CLIP1: variants seen among roughly 807,000 people sequenced by gnomAD.
CLIP1 encodes the protein CAP-Gly domain-containing linker protein 1.
CLIP1 carries 66 observed loss-of-function variants against 161.6 expected under a neutral mutation model. That is an observed-to-expected ratio of 0.41 (90% CI 0.33 to 0.50). The LOEUF (loss-of-function observed/expected upper bound fraction) is 0.50, where lower values mean the gene tolerates loss of function less well. CLIP1 is among the 20% of genes least tolerant of loss of function. CLIP1 has a pLI of 0.27. For missense variants in CLIP1, 1,376 were observed against 1,702.0 expected (o/e 0.81, Z 3.37); for synonymous variants, 598 against 626.2 (o/e 0.96, Z 0.67).
chr12:122,364,049 C>T lies in CLIP1; in HGVS notation c.716G>A (p.Gly239Glu). The change falls in exon 4 of 26, where the codon GGG (glycine) becomes GAG (glutamate). Residue 239 changes from glycine (G) to glutamate (E), a missense_variant. Gly to Glu is a moderately conservative substitution (Grantham distance 98, BLOSUM62 -2). This residue lies in a region of CLIP1 where 211 missense variants were observed against 295.1 expected (regional missense o/e 0.72). Transcript: ENST00000620786. Reference protein sequence around the residue: ...RFLGETDFAKGEWCGVELDEP... With the variant: ...RFLGETDFAKEEWCGVELDEP... Reference sequence around the variant, plus strand: ...ATCTAACTCCACGCCACACCACTCCCCCTTGGCAAAGTCGGTCTCCCCAAG... The same window carrying T: ...ATCTAACTCCACGCCACACCACTCCTCCTTGGCAAAGTCGGTCTCCCCAAG... 1 of 1,614,140 alleles carries T rather than the reference C, an allele frequency of 6.2e-7. No homozygotes were observed. The highest frequency in any genetic ancestry group is 8.5e-7 in the Non-Finnish European group (1 of 1,180,026).
At chr12:122,313,676 C>T (rs1951152101) in intron 19 of CLIP1, among the ~76,000 whole-genome samples, 1 of 151,978 alleles carries the variant, frequency 6.6e-6, no homozygotes, top group South Asian at 2.1e-4. Flanking sequence ...AAGATCATGC[C>T]ACTGCACTCC....
chr12:122,303,917 G>A (rs1031086731), intron 20 of CLIP1, among the ~76,000 whole-genome samples: 9 of 152,124 alleles, frequency 5.9e-5, no homozygotes, highest in Admixed American at 1.3e-4. Flanking sequence ...GGGATCAGAC[G>A]GACAAGAACT....
intron 1 of CLIP1, among the ~76,000 whole-genome samples, chr12:122,416,259 A>G (rs995754304): frequency 4.6e-5 from 7 of 152,128 alleles, no homozygotes; most frequent in Admixed American, 3.3e-4. Context: ...AGATGGATAG[A>G]AATAGGAAAG....
intron 10 of CLIP1, chr12:122,342,785 C>G (rs531090227): frequency 1.4e-5 from 2 of 145,536 alleles, no homozygotes; most frequent in Admixed American, 6.9e-5. Flanking sequence ...GTAATTGTGC[C>G]ATTGTACTCC....
chr12:122,387,547 C>CATAT (rs773688335), intron 1 of CLIP1, among the ~76,000 whole-genome samples: 45 of 40,290 alleles, frequency 1.1e-3, no homozygotes, highest in East Asian at 4.1e-3. Flanking sequence ...CATGCCTTTT[C>CATAT]ATATATATAT....
At chr12:122,366,214 C>G (rs1012231175) in intron 3 of CLIP1, among the ~76,000 whole-genome samples, 7 of 148,102 alleles carry the variant, frequency 4.7e-5, no homozygotes, top group African/African-American at 1.8e-4. Flanking sequence ...GGCTGAGGCA[C>G]AAGAATAACT....
chr12:122,282,309 C>T (rs986652315), intron 21 of CLIP1, among the ~76,000 whole-genome samples: 1 of 152,056 alleles, frequency 6.6e-6, no homozygotes, highest in Non-Finnish European at 1.5e-5. Context: ...TTACTGACGT[C>T]TGAGTCACAA....
chr12:122,372,118 T>C (rs965331436), intron 3 of CLIP1, among the ~76,000 whole-genome samples: 1 of 149,952 alleles, frequency 6.7e-6, no homozygotes, highest in Non-Finnish European at 1.5e-5. Context: ...CCTGTCTCTA[T>C]GGGGAAAAAA....
chr12:122,354,653 G>A (rs1442933541), intron 6 of CLIP1, 97 bp from the exon 7 acceptor site: 6 of 908,452 alleles, frequency 6.6e-6, no homozygotes, highest in South Asian at 1.4e-5. Context: ...CATGGTGGGT[G>A]GGCGTTACTC....
intron 21 of CLIP1, among the ~76,000 whole-genome samples, chr12:122,281,211 C>G (rs1955630641): frequency 6.6e-6 from 1 of 152,128 alleles, no homozygotes; most frequent in Non-Finnish European, 1.5e-5. Flanking sequence ...ATTAAAAACC[C>G]CAGCATTACT....
At chr12:122,405,666 T>A (rs1253916230) in intron 1 of CLIP1, among the ~76,000 whole-genome samples, 1 of 150,724 alleles carries the variant, frequency 6.6e-6, no homozygotes, top group Non-Finnish European at 1.5e-5. Context: ...TACACACCTA[T>A]AATCCCAGCT....
intron 21 of CLIP1, among the ~76,000 whole-genome samples, chr12:122,288,093 C>T (rs1016798135): frequency 2.0e-5 from 3 of 151,442 alleles, no homozygotes; most frequent in Non-Finnish European, 2.9e-5. Flanking sequence ...AGTGCAGTGG[C>T]GCGATCTCGG....
intron 21 of CLIP1, among the ~76,000 whole-genome samples, chr12:122,282,295 A>G (rs2136243177): frequency 1.3e-5 from 2 of 152,326 alleles, no homozygotes; most frequent in South Asian, 4.1e-4. Context: ...TGTCTATGCC[A>G]ACATTACTGA....
chr12:122,411,748 C>A (rs1198608654), intron 1 of CLIP1, among the ~76,000 whole-genome samples: 1 of 152,158 alleles, frequency 6.6e-6, no homozygotes, highest in Non-Finnish European at 1.5e-5. Context: ...CTCCTGGCCT[C>A]CTGCCTAGGG....
chr12:122,315,411 G>A (rs756171395), intron 19 of CLIP1, among the ~76,000 whole-genome samples: 13 of 150,248 alleles, frequency 8.7e-5, no homozygotes, highest in African/African-American at 2.7e-4. Flanking sequence ...TAACAGAATA[G>A]AAGACCAAAT....
intron 17 of CLIP1, among the ~76,000 whole-genome samples, chr12:122,325,851 C>T (rs1467519176): frequency 6.6e-6 from 1 of 152,138 alleles, no homozygotes; most frequent in Non-Finnish European, 1.5e-5. Context: ...GACGGTCTCA[C>T]GATGTTGTCC....
At chr12:122,419,936 A>AG (rs1265967317) in intron 1 of CLIP1, among the ~76,000 whole-genome samples, 2 of 151,144 alleles carry the variant, frequency 1.3e-5, no homozygotes, top group African/African-American at 4.9e-5. Flanking sequence ...CAAAAAAAAA[A>AG]AAAAAAAAAA....
intron 17 of CLIP1, chr12:122,324,052 T>A (rs1951619221): frequency 1.3e-5 from 2 of 152,654 alleles, no homozygotes; most frequent in South Asian, 4.1e-4. Context: ...CAACATTGAT[T>A]TCTTTAAGCA....
chr12:122,325,349 C>T (rs1488935852), intron 17 of CLIP1, among the ~76,000 whole-genome samples: 7 of 152,056 alleles, frequency 4.6e-5, no homozygotes, highest in South Asian at 2.1e-4. Context: ...TGAGCCACCA[C>T]GCCCAGCTGA....
Sources: gnomAD v4.1 joint callset for allele counts (sites outside exome capture counted in the v4.1 genomes callset) on GRCh38, gnomAD v4.1.1 for gene constraint, gnomAD v4.1.1 regional missense constraint, MANE v1.5 for transcripts, NCBI Gene and HGNC (gene_info 2026-07-23, HGNC 2026-07-21) for gene names.